Variants in ZNF141 observed in about 807,000 individuals in gnomAD.
ZNF141 encodes zinc finger protein 141 (clone pHZ-44).
A neutral mutation model predicts 11.3 loss-of-function variants in ZNF141; 7 were observed. The observed-to-expected ratio is 0.62, with a 90% CI of 0.35 to 1.16. The LOEUF is 1.16. Ranked by LOEUF, ZNF141 falls within the 50% of genes most tolerant of loss-of-function variation. The pLI, the probability that ZNF141 is intolerant of heterozygous loss-of-function variation, is 0.02. For missense variants in ZNF141, 535 were observed against 554.0 expected (o/e 0.97, Z 0.34); for synonymous variants, 183 against 190.7 (o/e 0.96, Z 0.33).
chr4:373,083 G>A lies in ZNF141; in HGVS notation c.646G>A (p.Glu216Lys). The part of the protein sequence containing the change: ...KAFKWSLIFN[E>K]HKRIHTGEKP... ...CTTTAAATGGTCTTTAATATTTAAT[G>A]AACATAAGAGAATTCATACTGGAGA... Residue 216 changes from glutamate (E) to lysine (K), a missense_variant, in exon 4 of 4, where the codon GAA (glutamate) becomes AAA (lysine). By Grantham distance (56) the Glu-to-Lys change is moderately conservative. Transcript: ENST00000240499. The A allele has an allele frequency of 1.2e-6, 2 of 1,611,174 alleles. No homozygotes were observed. The highest frequency in any genetic ancestry group is 1.1e-5 in the South Asian group (1 of 90,936).
chr4:338,866 A>G (rs1367871023), intron 1 of ZNF141, among the ~76,000 whole-genome samples: 1 of 152,186 alleles, frequency 6.6e-6, no homozygotes, highest in Non-Finnish European at 1.5e-5. Context: ...CTGTCAGAAG[A>G]AAGACATGGC....
chr4:369,753 TATATATATATA>T (rs1447688811), intron 3 of ZNF141, among the ~76,000 whole-genome samples: 5 of 46,230 alleles, frequency 1.1e-4, no homozygotes, highest in African/African-American at 3.9e-4. Flanking sequence ...TATATATATA[TATATATATATA>T]TTTTTTTTTT....
In ZNF141 at chr4:380,703, A is replaced by G. The variant is rs1340002975; in HGVS notation, c.*6841A>G. ...TTCACAGAAAATTAATAGCATAGGT[A>G]TTATTATCCTCATTTTACAGAGAAA... On this transcript the variant is annotated 3_prime_UTR_variant, in exon 4 of 4. Coordinates refer to ENST00000240499, the MANE Select transcript of ZNF141 (RefSeq NM_003441.4). Among the ~76,000 whole-genome samples the G allele has an allele frequency of 1.3e-5, 2 of 152,068 alleles. No individual in the cohort carries two copies. The highest frequency in any genetic ancestry group is 4.8e-5 in the African/African-American group (2 of 41,394).
chr4:372,518 C>A (rs1302643866), intron 3 of ZNF141, 146 bp from the exon 4 acceptor site: 1 of 619,516 alleles, frequency 1.6e-6, no homozygotes, highest in Admixed American at 3.6e-5. Context: ...ATGTTTGCTA[C>A]ATGTATATGT....
intron 3 of ZNF141, among the ~76,000 whole-genome samples, chr4:356,758 C>T (rs1319443747): frequency 2.6e-5 from 4 of 152,064 alleles, no homozygotes; most frequent in Admixed American, 2.6e-4. Flanking sequence ...CTTATTACTG[C>T]CATTTTATTC....
chr4:338,113 C>T (rs767504080), intron 1 of ZNF141, 127 bp downstream of exon 1: 24 of 1,322,056 alleles, frequency 1.8e-5, no homozygotes, highest in African/African-American at 8.9e-5. Flanking sequence ...GCCTCAGTAC[C>T]CTCCGGTGAG....
chr4:360,442 A>G (rs1553851982), intron 3 of ZNF141, among the ~76,000 whole-genome samples: 1 of 152,184 alleles, frequency 6.6e-6, no homozygotes, highest in Non-Finnish European at 1.5e-5. Flanking sequence ...CAAAGATTCA[A>G]AATGCCAGCT....
intron 3 of ZNF141, 61 bp downstream of exon 3, chr4:344,491 C>A: frequency 6.8e-7 from 1 of 1,473,650 alleles, no homozygotes; most frequent in Non-Finnish European, 9.3e-7. Context: ...AAGAAGGAAG[C>A]CAGGCCTTAA....
At position 344,388 on chromosome 4, in the gene ZNF141, C is replaced by G; in HGVS notation, c.184C>G (p.Pro62Ala). Reference protein sequence around the residue: ...LVTCLEQRKEPYNVKIHKIVA... With the variant: ...LVTCLEQRKEAYNVKIHKIVA... ...CACCTGTCTGGAGCAAAGAAAAGAG[C>G]CCTACAATGTGAAGATACATAAGAT... Residue 62 changes from proline to alanine, a missense_variant, in exon 3 of 4, where the codon CCC becomes GCC. Coordinates refer to ENST00000240499, the MANE Select transcript of ZNF141 (RefSeq NM_003441.4). The G allele has an allele frequency of 6.2e-7, 1 of 1,608,438 alleles. No homozygotes were observed. The highest frequency in any genetic ancestry group is 8.5e-7 in the Non-Finnish European group (1 of 1,176,034).
In ZNF141 at chr4:376,625, TTCCA is replaced by T. The variant is rs1712378039; in HGVS notation, c.*2765_*2768del. Among the ~76,000 whole-genome samples, 2 of 152,090 alleles carry T rather than the reference TTCCA, an allele frequency of 1.3e-5. No individual in the cohort carries two copies. Among genetic ancestry groups the T allele is most frequent in the Non-Finnish European group, 2.9e-5 (2 of 67,940 alleles). ...TCCTGCAAACTTATACAAACTTTAG[TTCCA>T]TTTACATGAAGTTAAGTATGTAAAT... On this transcript the variant is annotated 3_prime_UTR_variant, in exon 4 of 4. Coordinates refer to ENST00000240499, the MANE Select transcript of ZNF141 (RefSeq NM_003441.4).
In ZNF141 at chr4:384,773, C is replaced by T. The variant is rs1261356996; in HGVS notation, c.*10911C>T. On this transcript the variant is annotated 3_prime_UTR_variant, in exon 4 of 4. Transcript: ENST00000240499. ...TTCCTCGTTCTTGCCACATAAAAGA[C>T]CCAGAACTCAGCCCCATTTCTGGCA... 1 of 152,242 alleles carries T rather than the reference C, an allele frequency of 6.6e-6. No homozygotes were observed. Among genetic ancestry groups the T allele is most frequent in the Non-Finnish European group, 1.5e-5 (1 of 68,086 alleles). The allele number at this position is 152,242 out of a possible 1,614,324, so 9.4% of individuals were successfully genotyped here.
At chr4:351,298 A>G (rs1350261493) in intron 3 of ZNF141, among the ~76,000 whole-genome samples, 2 of 149,868 alleles carry the variant, frequency 1.3e-5, no homozygotes, top group African/African-American at 4.9e-5. Flanking sequence ...CAGTGGCGCG[A>G]TCTCGGCTCA....
At position 374,333 on chromosome 4, in the gene ZNF141, TAATG is replaced by T. The variant is rs1298572277; in HGVS notation, c.*474_*477del. On this transcript the variant is annotated 3_prime_UTR_variant, in exon 4 of 4. Transcript: ENST00000240499. Reference sequence around the variant, plus strand: ...AAGCCTTTAAATGGTCCTCAACCCTTAATGAACGTAAGTGAATTCATGCTGGAGC... The same window carrying T: ...AAGCCTTTAAATGGTCCTCAACCCTTAACGTAAGTGAATTCATGCTGGAGC... The T allele has an allele frequency of 3.1e-6, 1 of 326,800 alleles. No homozygotes were observed. The highest frequency in any genetic ancestry group is 8.0e-5 in the East Asian group (1 of 12,460). 20.2% of individuals were successfully genotyped at this position (326,800 alleles called of 1,614,324 possible).
At chr4:363,479 G>A (rs371140242) in intron 3 of ZNF141, among the ~76,000 whole-genome samples, 15 of 152,000 alleles carry the variant, frequency 9.9e-5, no homozygotes, top group East Asian at 9.6e-4. Flanking sequence ...CTTCCTGCCC[G>A]GGCGCAGTGG....
chr4:364,582 T>C (rs1711635855), intron 3 of ZNF141, among the ~76,000 whole-genome samples: 1 of 152,188 alleles, frequency 6.6e-6, no homozygotes, highest in Admixed American at 6.5e-5. Flanking sequence ...TCTTCTCTCT[T>C]TTCTTCTTTA....
intron 3 of ZNF141, among the ~76,000 whole-genome samples, chr4:361,158 A>G (rs572164973): frequency 2.0e-5 from 3 of 152,272 alleles, no homozygotes; most frequent in East Asian, 1.9e-4. Context: ...TTATTTTGCA[A>G]TGGATCTTTA....
chr4:346,232 CATT>C (rs2108686897), intron 3 of ZNF141, among the ~76,000 whole-genome samples: 1 of 152,288 alleles, frequency 6.6e-6, no homozygotes, highest in East Asian at 1.9e-4. Context: ...CATATAGCAA[CATT>C]ATTTCATTTA....
chr4:342,786 T>G, intron 1 of ZNF141: 1 of 1,558,722 alleles, frequency 6.4e-7, no homozygotes, highest in Non-Finnish European at 8.8e-7. Flanking sequence ...CCCAGATTTA[T>G]TGAAAATAAT....
At chr4:346,582 C>T (rs191788992) in intron 3 of ZNF141, among the ~76,000 whole-genome samples, 2 of 152,244 alleles carry the variant, frequency 1.3e-5, no homozygotes, top group East Asian at 3.9e-4. Flanking sequence ...CTCAGATTTA[C>T]TCAACTTATA....
Sources: gnomAD v4.1 joint callset for allele counts (sites outside exome capture counted in the v4.1 genomes callset) on GRCh38, gnomAD v4.1.1 for gene constraint, MANE v1.5 for transcripts, NCBI Gene and HGNC (gene_info 2026-07-23, HGNC 2026-07-21) for gene names.